Variants in PTPRS observed in about 807,000 individuals in gnomAD.
PTPRS encodes the protein protein tyrosine phosphatase receptor type S, also known as receptor-type tyrosine-protein phosphatase S.
Under a neutral mutation model 215.3 loss-of-function variants are expected in PTPRS, and 63 were observed. The observed-to-expected ratio is 0.29, with a 90% CI of 0.24 to 0.36. PTPRS has a LOEUF of 0.36. Ranked by LOEUF, PTPRS falls within the 10% of genes least tolerant of loss-of-function variation. The probability of loss-of-function intolerance (pLI) is 1.00; values close to 1 mark genes in which losing one functional copy is unlikely to be tolerated. For synonymous variants in PTPRS, 1,404 were observed against 1,191.4 expected, an observed-to-expected ratio of 1.18 and a Z score of -3.68; for missense variants, 2,258 against 2,825.8, an observed-to-expected ratio of 0.80 and a Z score of 4.56.
chr19:5,301,556 T>G (rs1158124825), intron 1 of PTPRS, among the ~76,000 whole-genome samples: 1 of 151,798 alleles, frequency 6.6e-6, no homozygotes, highest in Non-Finnish European at 1.5e-5. Flanking sequence ...CCTCAGGTGA[T>G]CCACTCGCCT....
intron 1 of PTPRS, among the ~76,000 whole-genome samples, chr19:5,311,900 C>T (rs1368882773): frequency 2.0e-5 from 3 of 152,100 alleles, no homozygotes; most frequent in East Asian, 1.9e-4. Flanking sequence ...ATTAGCCGGG[C>T]GGGGTGGCAG....
rs1446432501 is a variant in PTPRS at position 5,219,795 on chromosome 19, C to T, written c.3765+144G>A. ...CTAAGAAACCTTCGTTTCAGGATCC[C>T]TCCGCTCCCAAGTCTTCCCCTCTGC... On this transcript the variant is annotated intron_variant, in intron 22 of 37. Transcript: ENST00000262963. The T allele has an allele frequency of 7.0e-6, 7 of 995,952 alleles. 1 individual carries two copies. Among genetic ancestry groups the T allele is most frequent in the Non-Finnish European group, 7.4e-6 (5 of 675,902 alleles). 61.7% of individuals were successfully genotyped at this position (995,952 alleles called of 1,614,324 possible).
intron 1 of PTPRS, among the ~76,000 whole-genome samples, chr19:5,307,213 CAGG>C (rs1232939503): frequency 6.6e-6 from 1 of 152,214 alleles, no homozygotes; most frequent in Non-Finnish European, 1.5e-5. Context: ...GATGCTGAGG[CAGG>C]AGAATTGCTT....
chr19:5,237,304 A>G lies in PTPRS; in HGVS notation c.1849+1615T>C, dbSNP rs1366459550. ...GAGCCCGCAGTCCCCGGGGGGATGG[A>G]TACGCCTGGCCCTGAGTCTTTGCTG... On this transcript the variant is annotated intron_variant, in intron 13 of 37. Transcript: ENST00000262963. The surrounding 1 kb of genome is among the most constrained non-coding windows in gnomAD (Gnocchi z 4.2). 6.6e-6 allele frequency among the ~76,000 whole-genome samples: 1 copy of G among 152,162 alleles called. No homozygotes were observed. Among genetic ancestry groups the G allele is most frequent in the African/African-American group, 2.4e-5 (1 of 41,426 alleles).
chr19:5,285,502 A>G (rs1258973646), intron 2 of PTPRS, among the ~76,000 whole-genome samples: 1 of 152,172 alleles, frequency 6.6e-6, no homozygotes, highest in Non-Finnish European at 1.5e-5. Flanking sequence ...GAACTCCTAT[A>G]CACCCACAAA....
rs57529862 is a variant in PTPRS, at chr19:5,233,946, CAAAAAAA to C, written c.1850-2338_1850-2332del. Among the ~76,000 whole-genome samples the C allele has an allele frequency of 2.4e-3, 67 of 27,762 alleles. No individual in the cohort carries two copies. The East Asian group carries it at 0.06, about 25-fold the overall frequency. 18.2% of individuals were successfully genotyped at this position (27,762 alleles called of 152,430 possible). A position where few individuals can be genotyped will look rare whatever the true frequency, so the allele number is the denominator to read the frequency against. On this transcript the variant is annotated intron_variant, in intron 13 of 37. Coordinates refer to ENST00000262963, the MANE Select transcript of PTPRS (RefSeq NM_002850.4). ...GGGCAACAGGGCAAGACTCCATCTC[CAAAAAAA>C]AAAAAAAAAAAAAAAAAAAAAAAAT...
chr19:5,319,241 T>A (rs1375092680), intron 1 of PTPRS, among the ~76,000 whole-genome samples: 1 of 151,890 alleles, frequency 6.6e-6, no homozygotes, highest in Non-Finnish European at 1.5e-5. Context: ...GCAAAACCCA[T>A]CACTACTAAA....
intron 8 of PTPRS, among the ~76,000 whole-genome samples, chr19:5,256,697 G>C (rs1352582463): frequency 6.6e-6 from 1 of 152,182 alleles, no homozygotes; most frequent in South Asian, 2.1e-4. Context: ...TGCCGTGACA[G>C]TGGATCAGAC....
intron 1 of PTPRS, among the ~76,000 whole-genome samples, chr19:5,317,759 G>A (rs963393490): frequency 6.6e-6 from 1 of 152,188 alleles, no homozygotes; most frequent in African/African-American, 2.4e-5. Flanking sequence ...TTAGTAAGGG[G>A]CCAGGTGCAG....
In PTPRS at chr19:5,295,162, A is replaced by G. The variant is rs1268332630; in HGVS notation, c.-94-8928T>C. On this transcript the variant is annotated intron_variant, in intron 1 of 37. Coordinates refer to ENST00000262963, the MANE Select transcript of PTPRS (RefSeq NM_002850.4). This position sits in a 1 kb window ranked among gnomAD's most constrained non-coding sequence, Gnocchi z 4.6. ...CCCCGTGTGTCAAGAAAGCACCCGT[A>G]CCTCTCGGGCCGACAGTTTCCCCAT... Among the ~76,000 whole-genome samples, 1 of 152,086 alleles carries G rather than the reference A, an allele frequency of 6.6e-6. No homozygotes were observed. The highest frequency in any genetic ancestry group is 1.9e-4 in the East Asian group (1 of 5,186).
intron 10 of PTPRS, among the ~76,000 whole-genome samples, chr19:5,245,428 A>AT (rs2044399767): frequency 6.6e-6 from 1 of 152,090 alleles, no homozygotes; most frequent in African/African-American, 2.4e-5. Context: ...AGCTGGGACT[A>AT]AAGGCATGCA....
intron 2 of PTPRS, chr19:5,278,281 C>T (rs2047566125): frequency 2.9e-6 from 1 of 342,794 alleles, no homozygotes; most frequent in Non-Finnish European, 5.4e-6. Context: ...TGCAATGGCA[C>T]GAACATACCT....
At chr19:5,264,614 T>C (rs943539352) in intron 5 of PTPRS, among the ~76,000 whole-genome samples, 11 of 152,138 alleles carry the variant, frequency 7.2e-5, no homozygotes, top group African/African-American at 2.7e-4. Flanking sequence ...CCCAGCCCCC[T>C]CAGTGGCTTC....
chr19:5,304,581 G>A (rs1466921051), intron 1 of PTPRS, among the ~76,000 whole-genome samples: 1 of 152,188 alleles, frequency 6.6e-6, no homozygotes, highest in Admixed American at 6.5e-5. Flanking sequence ...CCCGGGAGGT[G>A]GAGGTTGCAG....
rs377147075 is a variant in PTPRS, at chr19:5,326,002, A to C, written c.-95+14662T>G. On this transcript the variant is annotated intron_variant, in intron 1 of 37. Transcript: ENST00000262963. ...TCCCAGCACCTGGGGAGGCTGGGGC[A>C]GGCAGATCACTTGAGGTCAGGAGTT... is the stretch of plus-strand genomic sequence containing the variant. Among the ~76,000 whole-genome samples, 5 of 152,108 alleles carry C rather than the reference A, an allele frequency of 3.3e-5. No individual in the cohort carries two copies. The East Asian group carries it at 7.7e-4, about 24-fold the overall frequency.
At chr19:5,334,945 C>T (rs960858994) in intron 1 of PTPRS, among the ~76,000 whole-genome samples, 40 of 152,276 alleles carry the variant, frequency 2.6e-4, no homozygotes, top group African/African-American at 9.6e-4. Context: ...TCTAAATAGT[C>T]GGAGCAGCTG....
At chr19:5,242,851 C>T (rs1315182915) in intron 11 of PTPRS, among the ~76,000 whole-genome samples, 1 of 152,020 alleles carries the variant, frequency 6.6e-6, no homozygotes. Context: ...TGCACCATCA[C>T]GCCTAGCTAA....
intron 1 of PTPRS, among the ~76,000 whole-genome samples, chr19:5,286,552 C>A (rs1296732314): frequency 1.3e-5 from 2 of 152,140 alleles, no homozygotes; most frequent in African/African-American, 4.8e-5. Context: ...CATAAAGGAT[C>A]TCCCAGAAAG....
chr19:5,250,482 C>T lies in PTPRS; in HGVS notation c.719-4437G>A, dbSNP rs932187393. 3.9e-4 allele frequency among the ~76,000 whole-genome samples: 60 copies of T among 152,090 alleles called. 1 individual carries two copies. Among genetic ancestry groups the T allele is most frequent in the Non-Finnish European group, 8.8e-5 (6 of 68,008 alleles). ...CGGGACGGAGAGGCCCCGCGGGACCCCCGCCCCCAATTACCGACCTGAATG... is the reference window on the plus strand; with the variant it reads ...CGGGACGGAGAGGCCCCGCGGGACCTCCGCCCCCAATTACCGACCTGAATG... On this transcript the variant is annotated intron_variant, in intron 9 of 37. Transcript: ENST00000262963.
Sources: allele counts gnomAD v4.1 joint callset (sites outside exome capture counted in the v4.1 genomes callset), GRCh38; gene constraint gnomAD v4.1.1; non-coding constraint Gnocchi (gnomAD v3.1); transcripts MANE v1.5; gene names NCBI Gene and HGNC (gene_info 2026-07-23, HGNC 2026-07-21).